The following B3GALT1 variants were observed in gnomAD, a reference collection of about 807,000 sequenced individuals.
B3GALT1 encodes UDP-Gal:betaGlcNAc beta 1,3-galactosyltransferase, polypeptide 1.
Under a neutral mutation model 23.2 loss-of-function variants are expected in B3GALT1, and 10 were observed. The observed-to-expected ratio is 0.43, with a 90% CI of 0.27 to 0.73. The LOEUF (loss-of-function observed/expected upper bound fraction) is 0.73. B3GALT1 is among the 30% of genes least tolerant of loss of function. The pLI, the probability that B3GALT1 is intolerant of heterozygous loss-of-function variation, is 0.21. For synonymous variants in B3GALT1, 156 were observed against 141.5 expected, an observed-to-expected ratio of 1.10 and a Z score of -0.73; for missense variants, 299 against 405.4, an observed-to-expected ratio of 0.74 and a Z score of 2.25.
chr2:167,831,242 G>A lies in B3GALT1; in HGVS notation c.-230+12449G>A, dbSNP rs578061852. 1.1e-4 allele frequency among the ~76,000 whole-genome samples: 17 copies of A among 152,178 alleles called. 1 individual carries two copies. The South Asian group carries it at 2.1e-3, about 19-fold the overall frequency. ...CCCTTTATTAACAATTTAATTCAGC[G>A]CTCCCACAGTTAGTTATAAGCCCAA... is the stretch of plus-strand genomic sequence containing the variant. On this transcript the variant is annotated intron_variant, in intron 4 of 4. Coordinates refer to ENST00000392690, the MANE Select transcript of B3GALT1 (RefSeq NM_020981.4).
At chr2:167,849,441 A>G (rs988197638) in intron 4 of B3GALT1, among the ~76,000 whole-genome samples, 7 of 152,180 alleles carry the variant, frequency 4.6e-5, no homozygotes, top group Non-Finnish European at 8.8e-5. Flanking sequence ...CTTACAGCCA[A>G]CTGATCTTCA....
chr2:167,355,598 T>A (rs1239290651), intron 1 of B3GALT1, among the ~76,000 whole-genome samples: 1 of 152,216 alleles, frequency 6.6e-6, no homozygotes, highest in Non-Finnish European at 1.5e-5. Flanking sequence ...GATTTATTGT[T>A]CAGTATTAGC....
intron 1 of B3GALT1, among the ~76,000 whole-genome samples, chr2:167,319,154 CT>C (rs1696764325): frequency 6.6e-6 from 1 of 152,042 alleles, no homozygotes; most frequent in Admixed American, 6.6e-5. Context: ...GGAGGTTGAC[CT>C]CCTTTTGCTT....
intron 2 of B3GALT1, among the ~76,000 whole-genome samples, chr2:167,567,013 G>T (rs891726888): frequency 2.6e-5 from 4 of 152,162 alleles, no homozygotes; most frequent in Non-Finnish European, 5.9e-5. Flanking sequence ...ATAGCACAGA[G>T]AATTACATTT....
chr2:167,737,579 G>A (rs929044922), intron 3 of B3GALT1, among the ~76,000 whole-genome samples: 1 of 152,300 alleles, frequency 6.6e-6, no homozygotes, highest in South Asian at 2.1e-4. Context: ...GGAGTCTTAG[G>A]GGCCAGCAAC....
At chr2:167,602,255 G>A (rs983134886) in intron 2 of B3GALT1, among the ~76,000 whole-genome samples, 1 of 152,184 alleles carries the variant, frequency 6.6e-6, no homozygotes, top group South Asian at 2.1e-4. Flanking sequence ...AGAAACAGCA[G>A]TGTACAGAGA....
chr2:167,429,377 T>G (rs1698674476), intron 1 of B3GALT1, among the ~76,000 whole-genome samples: 1 of 152,032 alleles, frequency 6.6e-6, no homozygotes, highest in Non-Finnish European at 1.5e-5. Flanking sequence ...AGGTTAACAT[T>G]AGCATGCTAA....
At chr2:167,397,215 C>T (rs189705073) in intron 1 of B3GALT1, among the ~76,000 whole-genome samples, 11 of 151,094 alleles carry the variant, frequency 7.3e-5, no homozygotes, top group South Asian at 2.1e-4. Context: ...TTCATTCTTC[C>T]CTCTCTCTCC....
intron 3 of B3GALT1, among the ~76,000 whole-genome samples, chr2:167,764,855 TG>T (rs893126213): frequency 5.9e-5 from 9 of 152,144 alleles, no homozygotes; most frequent in African/African-American, 2.2e-4. Context: ...GTAGACTGAC[TG>T]CTTGGGGGTA....
At chr2:167,624,286 C>T (rs959899494) in intron 2 of B3GALT1, among the ~76,000 whole-genome samples, 9 of 151,972 alleles carry the variant, frequency 5.9e-5, no homozygotes, top group East Asian at 1.9e-4. Context: ...CTTAGACCCC[C>T]GGAGATTGAA....
intron 3 of B3GALT1, among the ~76,000 whole-genome samples, chr2:167,673,545 C>G (rs1190568196): frequency 6.6e-6 from 1 of 151,922 alleles, no homozygotes; most frequent in Non-Finnish European, 1.5e-5. Flanking sequence ...ATGATCCAAG[C>G]ACTTAGGGAT....
intron 1 of B3GALT1, among the ~76,000 whole-genome samples, chr2:167,322,024 T>C (rs1696823228): frequency 1.3e-5 from 2 of 151,998 alleles, no homozygotes; most frequent in South Asian, 4.1e-4. Flanking sequence ...GGCAGTGACA[T>C]AGTTGATTCT....
At chr2:167,456,253 A>G (rs1287470503) in intron 1 of B3GALT1, among the ~76,000 whole-genome samples, 1 of 152,116 alleles carries the variant, frequency 6.6e-6, no homozygotes, top group Non-Finnish European at 1.5e-5. Context: ...GTAGAGGTAC[A>G]AGGCTTCTTT....
chr2:167,472,945 G>A (rs566154683), intron 1 of B3GALT1, among the ~76,000 whole-genome samples: 10 of 152,240 alleles, frequency 6.6e-5, no homozygotes, highest in African/African-American at 2.4e-4. Context: ...GTGAAGGAAT[G>A]TTAAGTCATT....
At chr2:167,768,991 C>T (rs1688025196) in intron 3 of B3GALT1, among the ~76,000 whole-genome samples, 1 of 152,108 alleles carries the variant, frequency 6.6e-6, no homozygotes. Flanking sequence ...AAAGTAATAT[C>T]CTTCCAGAAT....
chr2:167,558,964 C>A (rs940052548), intron 2 of B3GALT1, among the ~76,000 whole-genome samples: 2 of 152,188 alleles, frequency 1.3e-5, no homozygotes, highest in African/African-American at 4.8e-5. Flanking sequence ...AGTGGTTCTC[C>A]CAGCACGCAG....
intron 1 of B3GALT1, among the ~76,000 whole-genome samples, chr2:167,363,679 T>A (rs1189992745): frequency 6.6e-6 from 1 of 152,174 alleles, no homozygotes; most frequent in Non-Finnish European, 1.5e-5. Flanking sequence ...TTGAAACCAT[T>A]TCCTCCACTC....
intron 1 of B3GALT1, among the ~76,000 whole-genome samples, chr2:167,366,963 C>T (rs896349913): frequency 6.6e-6 from 1 of 152,166 alleles, no homozygotes; most frequent in African/African-American, 2.4e-5. Flanking sequence ...AGAAATGGCT[C>T]AGTGCTACAT....
At chr2:167,749,927 G>A (rs1687709164) in intron 3 of B3GALT1, among the ~76,000 whole-genome samples, 1 of 152,204 alleles carries the variant, frequency 6.6e-6, no homozygotes, top group Non-Finnish European at 1.5e-5. Context: ...TAAAAGCAAT[G>A]TAAGAGCTCT....
Sources: gnomAD v4.1 joint callset for allele counts (sites outside exome capture counted in the v4.1 genomes callset) on GRCh38, gnomAD v4.1.1 for gene constraint, MANE v1.5 for transcripts, NCBI Gene and HGNC (gene_info 2026-07-23, HGNC 2026-07-21) for gene names.